The following DUSP11 variants were observed in gnomAD, a reference collection of about 807,000 sequenced individuals.
DUSP11 encodes RNA/RNP complex-1-interacting phosphatase.
DUSP11 carries 27 observed loss-of-function variants against 41.4 expected under a neutral mutation model. That is an observed-to-expected ratio of 0.65 (90% confidence interval 0.48 to 0.90). The LOEUF (loss-of-function observed/expected upper bound fraction) is 0.90, where lower values mean the gene tolerates loss of function less well. Ranked by LOEUF, DUSP11 falls within the 40% of genes least tolerant of loss-of-function variation. The pLI is 0.00. For missense variants in DUSP11, 465 were observed against 461.1 expected, an observed-to-expected ratio of 1.01 and a Z score of -0.08; for synonymous variants, 188 against 159.3, an observed-to-expected ratio of 1.18 and a Z score of -1.35.
At chr2:73,780,143 C>A in exon 1 of DUSP11, 3 of 1,551,622 alleles carry the variant, frequency 1.9e-6, no homozygotes, top group Non-Finnish European at 2.6e-6. Flanking sequence ...GATGGCGTAG[C>A]CACGCTGGCT....
chr2:73,766,660 T>A (rs544268073), intron 7 of DUSP11, 66 bp from the exon 8 acceptor site: 1 of 1,480,790 alleles, frequency 6.8e-7, no homozygotes, highest in Non-Finnish European at 9.2e-7. Context: ...TTAGTGACTA[T>A]ATTTTGGCAT....
At chr2:73,771,770 G>A (rs570459296) in intron 4 of DUSP11, among the ~76,000 whole-genome samples, 171 of 149,044 alleles carry the variant, frequency 1.1e-3, no homozygotes, top group South Asian at 4.9e-3. Context: ...CTAAAGTGCC[G>A]GGATTACAGG....
In DUSP11 at chr2:73,770,252, CG is replaced by C. The variant is rs1161927014; in HGVS notation, c.575-928del. 1.1e-4 allele frequency among the ~76,000 whole-genome samples: 17 copies of C among 151,430 alleles called. No individual in the cohort carries two copies. In the East Asian group the frequency reaches 3.3e-3, roughly 29 times the overall value. On this transcript the variant is annotated intron_variant, in intron 4 of 8. Coordinates refer to ENST00000272444, the Ensembl canonical transcript of DUSP11. Reference sequence around the variant, plus strand: ...GCACTCTGCCGGGCATGGTGGCTCACGCCTGTAATCCCAGCCCTTTGGGAGG... The same window carrying C: ...GCACTCTGCCGGGCATGGTGGCTCACCCTGTAATCCCAGCCCTTTGGGAGG...
chr2:73,779,734 GA>G (rs1384522341), intron 1 of DUSP11, 139 bp downstream of exon 1: 3 of 1,302,782 alleles, frequency 2.3e-6, no homozygotes, highest in Non-Finnish European at 3.2e-6. Flanking sequence ...GGGTGGCGCA[GA>G]GGGTCAAAGC....
At chr2:73,772,104 G>T (rs1672594637) in intron 4 of DUSP11, among the ~76,000 whole-genome samples, 1 of 152,230 alleles carries the variant, frequency 6.6e-6, no homozygotes. Flanking sequence ...ACAGGCATGA[G>T]CCACCGCGCC....
At chr2:73,776,693 A>C (rs1028457225) in intron 2 of DUSP11, among the ~76,000 whole-genome samples, 3 of 152,214 alleles carry the variant, frequency 2.0e-5, no homozygotes, top group African/African-American at 4.8e-5. Context: ...TTGCCACAAA[A>C]AAAATGAGAG....
At chr2:73,773,495 C>T (rs949274786) in intron 4 of DUSP11, 3 of 365,320 alleles carry the variant, frequency 8.2e-6, no homozygotes, top group African/African-American at 6.6e-5. Flanking sequence ...CTACTTCTCA[C>T]TTCTTAACCA....
Position 73,773,793 on chromosome 2 carries a change from A to C in DUSP11, c.574+7T>G, listed in dbSNP as rs1216094627. ...ACACCACAGTTCAGGTAAGAACAAAAACTCACCATTATCTTTATTTTCTTT... is the reference window on the plus strand; with the variant it reads ...ACACCACAGTTCAGGTAAGAACAAACACTCACCATTATCTTTATTTTCTTT... On this transcript the variant is annotated splice_region_variant and intron_variant, in intron 4 of 8. Transcript: ENST00000272444. 6.2e-7 allele frequency: 1 copy of C among 1,602,794 alleles called. No individual in the cohort carries two copies. The highest frequency in any genetic ancestry group is 1.3e-5 in the African/African-American group (1 of 74,534).
intron 4 of DUSP11, 92 bp from the exon 5 acceptor site, chr2:73,769,417 G>T: frequency 1.0e-6 from 1 of 968,798 alleles, no homozygotes; most frequent in East Asian, 2.5e-5. Context: ...CTCTTAAGAG[G>T]AATTGTTTTT....
intron 5 of DUSP11, 41 bp from the exon 6 acceptor site, chr2:73,767,248 G>GA: frequency 6.5e-7 from 1 of 1,528,158 alleles, no homozygotes; most frequent in Non-Finnish European, 8.9e-7. Context: ...TATACGAAAA[G>GA]AAAAAAATCA....
intron 8 of DUSP11, among the ~76,000 whole-genome samples, chr2:73,763,224 C>T (rs921617247): frequency 3.3e-5 from 5 of 152,266 alleles, no homozygotes; most frequent in Admixed American, 2.0e-4. Flanking sequence ...CTTTCTCTCC[C>T]AAAGTCTGGC....
chr2:73,765,043 G>C (rs896748757), intron 8 of DUSP11, among the ~76,000 whole-genome samples: 5 of 152,196 alleles, frequency 3.3e-5, no homozygotes, highest in Non-Finnish European at 5.9e-5. Flanking sequence ...GTTAATTTTA[G>C]GTGTCAAGTT....
chr2:73,766,659 A>G, intron 7 of DUSP11, 65 bp from the exon 8 acceptor site: 2 of 1,493,832 alleles, frequency 1.3e-6, no homozygotes, highest in Non-Finnish European at 1.8e-6. Flanking sequence ...TTTAGTGACT[A>G]TATTTTGGCA....
intron 2 of DUSP11, among the ~76,000 whole-genome samples, chr2:73,775,370 C>CTTTT (rs60660160): frequency 7.9e-6 from 1 of 127,368 alleles, no homozygotes; most frequent in African/African-American, 2.9e-5. Context: ...TATTTCTTTT[C>CTTTT]TTTTTTTTTT....
chr2:73,775,345 T>C (rs1375525412), intron 2 of DUSP11, among the ~76,000 whole-genome samples: 2 of 151,912 alleles, frequency 1.3e-5, no homozygotes, highest in Non-Finnish European at 1.5e-5. Context: ...GCTTATCATA[T>C]TTAGTGCTTA....
chr2:73,767,986 G>C (rs1408702333), intron 5 of DUSP11: 1 of 152,160 alleles, frequency 6.6e-6, no homozygotes, highest in African/African-American at 2.4e-5. Context: ...CTTAAACATA[G>C]CTCTGCATGG....
intron 2 of DUSP11, among the ~76,000 whole-genome samples, chr2:73,776,200 G>C (rs1234377436): frequency 2.0e-5 from 3 of 151,858 alleles, no homozygotes; most frequent in Non-Finnish European, 4.4e-5. Flanking sequence ...GGATCACGAG[G>C]TCAGGAGATC....
At chr2:73,779,228 A>T (rs1482599186) in intron 1 of DUSP11, among the ~76,000 whole-genome samples, 1 of 152,238 alleles carries the variant, frequency 6.6e-6, no homozygotes, top group Non-Finnish European at 1.5e-5. Flanking sequence ...GCAATAAGTC[A>T]GGCAAGACCT....
rs1459128501 is a variant in DUSP11 at position 73,766,945 on chromosome 2, C to G, written c.683-42G>C. On this transcript the variant is annotated intron_variant, in intron 6 of 8. Coordinates refer to ENST00000272444, the Ensembl canonical transcript of DUSP11. ...CTGTTAGAAATAACTGTACAAAAAG[C>G]AGATCTTTCCAGAAAAAGCAAATTA... 2.0e-5 allele frequency: 31 copies of G among 1,557,092 alleles called. 1 individual carries two copies. The highest frequency in any genetic ancestry group is 2.6e-5 in the Non-Finnish European group (30 of 1,134,036).
Sources: allele counts gnomAD v4.1 joint callset (sites outside exome capture counted in the v4.1 genomes callset), GRCh38; gene constraint gnomAD v4.1.1; transcripts MANE v1.5; gene names NCBI Gene and HGNC (gene_info 2026-07-23, HGNC 2026-07-21).